Variants in WNT7B observed in about 807,000 individuals in gnomAD.
WNT7B encodes Wnt family member 7B.
In WNT7B, 19 loss-of-function variants were observed where a neutral mutation model predicts 38.2. The observed-to-expected ratio is 0.50, with a 90% CI of 0.35 to 0.73. The LOEUF is 0.73. Among genes scored for constraint, WNT7B ranks in the 30% least tolerant of loss-of-function variants. The pLI is 0.01. For missense variants in WNT7B, 423 were observed against 507.9 expected, an observed-to-expected ratio of 0.83 and a Z score of 1.61; for synonymous variants, 243 against 209.3, an observed-to-expected ratio of 1.16 and a Z score of -1.39.
In WNT7B at chr22:45,923,032, G is replaced by A. The variant is rs1168613184; in HGVS notation, c.874C>T (p.Arg292Cys). Reference protein sequence around the residue: ...AATGSVGTQGRLCNRTSPGAD... With the variant: ...AATGSVGTQGCLCNRTSPGAD... ...CCGGGCGACGTGCGGTTGCAGAGAC[G>A]GCCCTGCGTGCCCACGCTGCCCGTG... The change falls in exon 4 of 4, where the codon CGT becomes TGT. Residue 292 changes from arginine to cysteine, a missense_variant. Arg to Cys is a radical substitution (Grantham distance 180). This residue lies in a region of WNT7B where 158 missense variants were observed against 214.7 expected (regional missense o/e 0.74). Transcript: ENST00000339464. 2 of 1,612,640 alleles carry A rather than the reference G, an allele frequency of 1.2e-6. No individual in the cohort carries two copies. The highest frequency in any genetic ancestry group is 1.7e-6 in the Non-Finnish European group (2 of 1,179,528).
chr22:45,931,725 G>A (rs370110520), intron 2 of WNT7B, among the ~76,000 whole-genome samples: 6 of 152,178 alleles, frequency 3.9e-5, no homozygotes, highest in African/African-American at 1.4e-4. Context: ...CCAGCCCTGA[G>A]AGTGACTGGT....
At chr22:45,939,671 A>ACACACACACACACAC (rs56044141) in intron 2 of WNT7B, among the ~76,000 whole-genome samples, 5 of 151,476 alleles carry the variant, frequency 3.3e-5, no homozygotes, top group East Asian at 2.0e-4. Context: ...ACACACACAC[A>ACACACACACACACAC]AAAATAGCCA....
chr22:45,940,875 G>A (rs937761706), intron 2 of WNT7B, among the ~76,000 whole-genome samples: 3 of 152,224 alleles, frequency 2.0e-5, no homozygotes, highest in African/African-American at 7.2e-5. Flanking sequence ...GAACAGCAAT[G>A]CAAAGACCCT....
Position 45,931,251 on chromosome 22 carries a change from G to T in WNT7B, c.417C>A (p.Gly139=). 4 of 1,599,138 alleles carry T rather than the reference G, an allele frequency of 2.5e-6. No homozygotes were observed. The highest frequency in any genetic ancestry group is 3.4e-6 in the Non-Finnish European group (4 of 1,179,820). The change falls in exon 3 of 4, where the codon GGC becomes GGA. Residue 139 remains glycine, a synonymous_variant. Coordinates refer to ENST00000339464, the MANE Select transcript of WNT7B (RefSeq NM_058238.3). ...SNCGCDREKQ[G]YYNQAEGWKW... ...TCCAGCCCTCGGCTTGGTTGTAGTA[G>T]CCCTGCTTCTCGCGGTCGCAGCCGC...
chr22:45,973,523 G>A (rs1271102974), intron 1 of WNT7B, among the ~76,000 whole-genome samples: 1 of 152,114 alleles, frequency 6.6e-6, no homozygotes. Flanking sequence ...TCTGCTTCTG[G>A]CCCCAAAGGC....
At chr22:45,963,614 A>G (rs1423007046) in intron 1 of WNT7B, among the ~76,000 whole-genome samples, 4 of 152,144 alleles carry the variant, frequency 2.6e-5, no homozygotes, top group African/African-American at 9.7e-5. Context: ...GGTATCAGAG[A>G]CAAGAGCAGG....
chr22:45,926,703 T>C (rs1297381849), intron 3 of WNT7B: 1 of 939,650 alleles, frequency 1.1e-6, no homozygotes, highest in African/African-American at 2.3e-5. Context: ...TGCCCCTAAG[T>C]AAGTGTGGCC....
At chr22:45,928,760 T>C (rs1344138560) in intron 3 of WNT7B, among the ~76,000 whole-genome samples, 1 of 152,158 alleles carries the variant, frequency 6.6e-6, no homozygotes, top group Non-Finnish European at 1.5e-5. Flanking sequence ...GGTCCCTGAG[T>C]TGGTCAGTGT....
chr22:45,964,317 C>T (rs1165656663), intron 1 of WNT7B, among the ~76,000 whole-genome samples: 1 of 152,144 alleles, frequency 6.6e-6, no homozygotes. Context: ...ACATGCGACT[C>T]CATCCCCAGG....
At chr22:45,948,781 A>C (rs1018522269) in intron 2 of WNT7B, among the ~76,000 whole-genome samples, 1 of 149,674 alleles carries the variant, frequency 6.7e-6, no homozygotes, top group African/African-American at 2.5e-5. Flanking sequence ...TGACGTGTTC[A>C]AGGTCACACA....
chr22:45,934,564 G>A (rs1025174401), intron 2 of WNT7B, among the ~76,000 whole-genome samples: 1 of 152,194 alleles, frequency 6.6e-6, no homozygotes, highest in Non-Finnish European at 1.5e-5. Context: ...TCCTCTTCCT[G>A]CCCCATAGGA....
chr22:45,920,460 C>G lies in WNT7B; in HGVS notation c.*2396G>C, dbSNP rs1930889610. 6.6e-6 allele frequency: 1 copy of G among 152,182 alleles called. No individual in the cohort carries two copies. The highest frequency in any genetic ancestry group is 2.4e-5 in the African/African-American group (1 of 41,410). 9.4% of individuals were successfully genotyped at this position (152,182 alleles called of 1,614,324 possible). On this transcript the variant is annotated 3_prime_UTR_variant, in exon 4 of 4. Coordinates refer to ENST00000339464, the MANE Select transcript of WNT7B (RefSeq NM_058238.3). The stretch of plus-strand genomic sequence containing the variant: ...ACGCAGCACCTTGGTCGCCATCACC[C>G]CCATCTGGGCCACCCTGACCCCCGT...
chr22:45,957,765 GCTTTGTATGTGCCTAGC>G (rs1932106915), intron 1 of WNT7B, among the ~76,000 whole-genome samples: 1 of 150,276 alleles, frequency 6.7e-6, no homozygotes, highest in South Asian at 2.1e-4. Context: ...ATGCCCGTGT[GCTTTGTATGTGCCTAGC>G]CCGCACGGGG....
Position 45,922,724 on chromosome 22 carries a change from T to A in WNT7B, c.*132A>T. 6 of 1,398,126 alleles carry A rather than the reference T, an allele frequency of 4.3e-6. No individual in the cohort carries two copies. The highest frequency in any genetic ancestry group is 4.7e-6 in the Non-Finnish European group (5 of 1,054,002). 86.6% of individuals were successfully genotyped at this position (1,398,126 alleles called of 1,614,324 possible). ...GCGTGGGCCCCGGCCGGTGCCCTCC[T>A]GCACCTGGAGCTCCCCGCTTCTGCA... On this transcript the variant is annotated 3_prime_UTR_variant, in exon 4 of 4. Transcript: ENST00000339464.
chr22:45,928,561 C>G (rs1281486708), intron 3 of WNT7B, among the ~76,000 whole-genome samples: 1 of 152,036 alleles, frequency 6.6e-6, no homozygotes, highest in Non-Finnish European at 1.5e-5. Context: ...AGAGCCCTTT[C>G]CTGTGGCTGT....
chr22:45,931,137 C>G lies in WNT7B; in HGVS notation c.531G>C (p.Arg177=). Residue 177 remains arginine, a synonymous_variant, in exon 3 of 4, where the codon CGG becomes CGC. Coordinates refer to ENST00000339464, the MANE Select transcript of WNT7B (RefSeq NM_058238.3). ...CATTGTTATGCAGGTTCATGAGGCG[C>G]CGCGCGTTCTTCTTGATCTCCCGAG... ...VDAREIKKNA[R]RLMNLHNNEA... 6.3e-7 allele frequency: 1 copy of G among 1,593,774 alleles called. No homozygotes were observed. The highest frequency in any genetic ancestry group is 1.1e-5 in the South Asian group (1 of 90,792).
At chr22:45,927,789 G>A (rs928246863) in intron 3 of WNT7B, among the ~76,000 whole-genome samples, 4 of 152,228 alleles carry the variant, frequency 2.6e-5, no homozygotes, top group African/African-American at 4.8e-5. Flanking sequence ...CCAGCTATTC[G>A]GGAGGCTGAG....
chr22:45,929,879 T>C (rs1352082121), intron 3 of WNT7B, among the ~76,000 whole-genome samples: 5 of 139,428 alleles, frequency 3.6e-5, no homozygotes, highest in African/African-American at 1.6e-4. Flanking sequence ...CATCCAACCA[T>C]CTACCCACTC....
At chr22:45,935,730 T>C in intron 2 of WNT7B, 4 of 849,518 alleles carry the variant, frequency 4.7e-6, no homozygotes, top group Non-Finnish European at 5.7e-6. Flanking sequence ...CACCACCTTA[T>C]CTCCAAGACA....
Sources: gnomAD v4.1 joint callset for allele counts (sites outside exome capture counted in the v4.1 genomes callset) on GRCh38, gnomAD v4.1.1 for gene constraint, gnomAD v4.1.1 regional missense constraint, MANE v1.5 for transcripts, NCBI Gene and HGNC (gene_info 2026-07-23, HGNC 2026-07-21) for gene names.